The following RALGPS2 variants were observed in gnomAD, a reference collection of about 807,000 sequenced individuals.
The protein encoded by RALGPS2 is Ral GEF with PH domain and SH3 binding motif 2.
RALGPS2 carries 43 observed loss-of-function variants against 86.8 expected under a neutral mutation model. The observed-to-expected ratio is 0.50, with a 90% CI of 0.39 to 0.64. RALGPS2 has a LOEUF of 0.64. RALGPS2 is among the 30% of genes least tolerant of loss of function. The probability of loss-of-function intolerance (pLI) is 0.00; values close to 1 mark genes in which losing one functional copy is unlikely to be tolerated. For synonymous variants in RALGPS2, 243 were observed against 231.3 expected (o/e 1.05, Z -0.46); for missense variants, 536 against 694.6 (o/e 0.77, Z 2.57).
chr1:178,730,958 A>G (rs1315497751), intron 1 of RALGPS2, among the ~76,000 whole-genome samples: 5 of 152,120 alleles, frequency 3.3e-5, no homozygotes, highest in African/African-American at 1.2e-4. Flanking sequence ...TCAGGCTCCC[A>G]GAGTGCTGGG....
intron 4 of RALGPS2, among the ~76,000 whole-genome samples, chr1:178,786,952 A>G (rs775959683): frequency 6.6e-5 from 10 of 151,936 alleles, no homozygotes; most frequent in African/African-American, 9.7e-5. Context: ...GGCCGAAATG[A>G]TCGTCAGTTC....
chr1:178,878,793 T>A (rs985315650), intron 9 of RALGPS2, 109 bp from the exon 10 acceptor site: 2 of 1,435,646 alleles, frequency 1.4e-6, no homozygotes, highest in African/African-American at 2.9e-5. Flanking sequence ...TTAATTTAAA[T>A]TTTGCTGCCA....
chr1:178,855,453 A>G (rs893748770), intron 8 of RALGPS2, among the ~76,000 whole-genome samples: 3 of 151,978 alleles, frequency 2.0e-5, no homozygotes, highest in African/African-American at 2.4e-5. Context: ...CCAAATGTTT[A>G]TTATAGTTCA....
intron 18 of RALGPS2, among the ~76,000 whole-genome samples, chr1:178,906,127 C>T (rs1443088340): frequency 6.6e-6 from 1 of 152,162 alleles, no homozygotes; most frequent in Admixed American, 6.5e-5. Flanking sequence ...AATCCCAGCA[C>T]TTTGGGAAGC....
chr1:178,744,520 A>G (rs1651201087), intron 1 of RALGPS2, among the ~76,000 whole-genome samples: 2 of 152,130 alleles, frequency 1.3e-5, no homozygotes, highest in African/African-American at 4.8e-5. Context: ...AGTCAAGAAA[A>G]AGAAATAAGC....
intron 19 of RALGPS2, among the ~76,000 whole-genome samples, chr1:178,915,537 A>G (rs1317567594): frequency 6.6e-6 from 1 of 152,196 alleles, no homozygotes; most frequent in Non-Finnish European, 1.5e-5. Flanking sequence ...ACCCGGCCAA[A>G]TATGAGTTTC....
intron 8 of RALGPS2, among the ~76,000 whole-genome samples, chr1:178,855,678 A>C (rs1176275623): frequency 1.3e-5 from 2 of 151,822 alleles, no homozygotes; most frequent in Non-Finnish European, 2.9e-5. Flanking sequence ...CATTCGTTAT[A>C]AACATATTTT....
chr1:178,856,095 C>T lies in RALGPS2; in HGVS notation c.608-21403C>T, dbSNP rs535937128. Among the ~76,000 whole-genome samples, 60 of 147,726 alleles carry T rather than the reference C, an allele frequency of 4.1e-4. 1 individual carries two copies. The South Asian group carries it at 7.4e-3, about 18-fold the overall frequency. On this transcript the variant is annotated intron_variant, in intron 8 of 19. Transcript: ENST00000367635. The stretch of plus-strand genomic sequence containing the variant: ...AGTTTAGTCAAGTAAAAGTTCTGTA[C>T]GATAAGGATAATAGTTTTATCCTTA...
chr1:178,855,468 TA>T (rs1657472044), intron 8 of RALGPS2, among the ~76,000 whole-genome samples: 1 of 152,094 alleles, frequency 6.6e-6, no homozygotes, highest in African/African-American at 2.4e-5. Flanking sequence ...AGTTCATTGA[TA>T]TTTTTCTCTT....
At chr1:178,760,726 C>T (rs1446121252) in intron 1 of RALGPS2, among the ~76,000 whole-genome samples, 7 of 152,036 alleles carry the variant, frequency 4.6e-5, no homozygotes, top group Non-Finnish European at 1.0e-4. Context: ...AAGATTATTT[C>T]CTTAGCATTG....
rs772966522 is a variant in RALGPS2, at chr1:178,902,253, T to G, written c.1630+42T>G. ...ACTGGGGCTTACGATACTGCGTATG[T>G]GTTTGTGTATATGTATGTATGTATG... On this transcript the variant is annotated intron_variant, in intron 18 of 19. Coordinates refer to ENST00000367635, the MANE Select transcript of RALGPS2 (RefSeq NM_152663.5). 1.3e-5 allele frequency: 18 copies of G among 1,435,236 alleles called. No individual in the cohort carries two copies. The South Asian group carries it at 1.8e-4, about 15-fold the overall frequency. The allele number at this position is 1,435,236 out of a possible 1,614,324, so 88.9% of individuals were successfully genotyped here.
intron 1 of RALGPS2, among the ~76,000 whole-genome samples, chr1:178,728,300 A>G (rs1344240523): frequency 6.6e-6 from 1 of 152,100 alleles, no homozygotes; most frequent in Non-Finnish European, 1.5e-5. Context: ...AAATTTTTAA[A>G]TAACTTTTAA....
chr1:178,805,660 A>G (rs1654706318), intron 4 of RALGPS2, among the ~76,000 whole-genome samples: 2 of 151,628 alleles, frequency 1.3e-5, no homozygotes, highest in South Asian at 2.1e-4. Flanking sequence ...CTTTTCCTTG[A>G]TTTTTCTATT....
chr1:178,731,047 C>A (rs778359298), intron 1 of RALGPS2, among the ~76,000 whole-genome samples: 2 of 152,000 alleles, frequency 1.3e-5, no homozygotes, highest in African/African-American at 4.8e-5. Context: ...GGATCCATAT[C>A]CTCCGCTTTC....
chr1:178,863,199 A>C (rs146453351), intron 8 of RALGPS2, among the ~76,000 whole-genome samples: 1 of 152,284 alleles, frequency 6.6e-6, no homozygotes, highest in Non-Finnish European at 1.5e-5. Flanking sequence ...CATGCACACA[A>C]GAGACCAAAA....
intron 1 of RALGPS2, among the ~76,000 whole-genome samples, chr1:178,755,169 T>C (rs1235102077): frequency 1.3e-5 from 2 of 152,096 alleles, no homozygotes; most frequent in Non-Finnish European, 2.9e-5. Context: ...GCATGTGTGA[T>C]TTTTTTTCTT....
At chr1:178,897,874 C>T (rs1660015484) in intron 17 of RALGPS2, 118 bp downstream of exon 17, 2 of 708,186 alleles carry the variant, frequency 2.8e-6, no homozygotes, top group African/African-American at 3.6e-5. Context: ...TTCCTATCTT[C>T]TAGTCCAAAA....
intron 8 of RALGPS2, among the ~76,000 whole-genome samples, chr1:178,876,868 T>G (rs542678060): frequency 1.3e-5 from 2 of 152,168 alleles, no homozygotes; most frequent in African/African-American, 2.4e-5. Flanking sequence ...AACTTCAATT[T>G]GTAGTCACAT....
At chr1:178,882,719 G>C (rs1659310806) in intron 10 of RALGPS2, among the ~76,000 whole-genome samples, 1 of 152,114 alleles carries the variant, frequency 6.6e-6, no homozygotes, top group South Asian at 2.1e-4. Context: ...TCCACTGATA[G>C]AAATCATAAT....
Sources: gnomAD v4.1 joint callset for allele counts (sites outside exome capture counted in the v4.1 genomes callset) on GRCh38, gnomAD v4.1.1 for gene constraint, MANE v1.5 for transcripts, NCBI Gene and HGNC (gene_info 2026-07-23, HGNC 2026-07-21) for gene names.